PEX14: variants seen among roughly 807,000 people sequenced by gnomAD.
PEX14 encodes peroxisomal membrane protein PEX14.
A neutral mutation model predicts 49.5 loss-of-function variants in PEX14; 15 were observed. That is an observed-to-expected ratio of 0.30 (90% CI 0.20 to 0.47). The LOEUF (loss-of-function observed/expected upper bound fraction) is 0.47. Among genes scored for constraint, PEX14 ranks in the 20% least tolerant of loss-of-function variants. The pLI is 1.00. For synonymous variants in PEX14, 210 were observed against 212.7 expected (o/e 0.99, Z 0.11); for missense variants, 398 against 494.8 (o/e 0.80, Z 1.86).
intron 3 of PEX14, among the ~76,000 whole-genome samples, chr1:10,581,352 G>C (rs1183921914): frequency 6.9e-6 from 1 of 145,402 alleles, no homozygotes; most frequent in Non-Finnish European, 1.5e-5. Context: ...TGTCGCCCAG[G>C]CTGGAGTGCA....
chr1:10,478,253 T>C (rs535163864), intron 1 of PEX14, among the ~76,000 whole-genome samples: 1 of 152,302 alleles, frequency 6.6e-6, no homozygotes, highest in African/African-American at 2.4e-5. Context: ...TCTATTATTA[T>C]TATTATTCAA....
chr1:10,601,511 G>C (rs557595665), intron 4 of PEX14, among the ~76,000 whole-genome samples: 1 of 152,116 alleles, frequency 6.6e-6, no homozygotes, highest in Non-Finnish European at 1.5e-5. Flanking sequence ...TCTGTGTTAC[G>C]GATCTTATTT....
intron 3 of PEX14, among the ~76,000 whole-genome samples, chr1:10,585,005 G>A (rs1200868321): frequency 1.3e-5 from 2 of 152,068 alleles, no homozygotes; most frequent in African/African-American, 4.8e-5. Flanking sequence ...GATCTTTGGG[G>A]GAACAGTAAA....
intron 1 of PEX14, among the ~76,000 whole-genome samples, chr1:10,476,140 C>G (rs1025926656): frequency 6.6e-6 from 1 of 152,154 alleles, no homozygotes; most frequent in African/African-American, 2.4e-5. Flanking sequence ...ATTTCACTTC[C>G]TTCAGAGGCA....
chr1:10,562,011 G>A (rs927728154), intron 3 of PEX14, among the ~76,000 whole-genome samples: 1 of 152,020 alleles, frequency 6.6e-6, no homozygotes, highest in African/African-American at 2.4e-5. Context: ...TAGGATTATA[G>A]GTGTATGCCA....
chr1:10,577,562 A>T (rs895681760), intron 3 of PEX14, among the ~76,000 whole-genome samples: 70 of 6,226 alleles, frequency 0.011, 1 homozygote, highest in East Asian at 0.034. Context: ...ATATATATAT[A>T]TTTTTTTTTT....
At chr1:10,513,548 G>T (rs1641919975) in intron 2 of PEX14, among the ~76,000 whole-genome samples, 1 of 152,168 alleles carries the variant, frequency 6.6e-6, no homozygotes, top group South Asian at 2.1e-4. Flanking sequence ...GGAGCCAAGT[G>T]TCCCTCGCAG....
chr1:10,556,068 A>G (rs1557842710), intron 3 of PEX14, among the ~76,000 whole-genome samples: 1 of 152,154 alleles, frequency 6.6e-6, no homozygotes, highest in Non-Finnish European at 1.5e-5. Flanking sequence ...GGGGCAGCCC[A>G]GAGGCCTGCC....
At chr1:10,481,823 CTTTTT>C (rs34612970) in intron 1 of PEX14, among the ~76,000 whole-genome samples, 1 of 116,706 alleles carries the variant, frequency 8.6e-6, no homozygotes, top group Non-Finnish European at 1.8e-5. Context: ...CCATTCTACT[CTTTTT>C]TTTTTTTTTT....
intron 2 of PEX14, among the ~76,000 whole-genome samples, chr1:10,531,869 C>A (rs187666521): frequency 6.6e-6 from 1 of 152,192 alleles, no homozygotes; most frequent in East Asian, 1.9e-4. Flanking sequence ...GTCCTCCTGT[C>A]CCCCTCGTGC....
chr1:10,537,860 A>C (rs1382167682), intron 3 of PEX14, among the ~76,000 whole-genome samples: 2 of 152,156 alleles, frequency 1.3e-5, no homozygotes, highest in Non-Finnish European at 2.9e-5. Context: ...TGAAAAAAAA[A>C]AGAGAGAGAG....
chr1:10,583,258 C>T (rs1343960180), intron 3 of PEX14, among the ~76,000 whole-genome samples: 9 of 147,178 alleles, frequency 6.1e-5, no homozygotes, highest in East Asian at 4.1e-4. Context: ...CTTGTTTTGT[C>T]ACCCAGGCTG....
chr1:10,593,871 T>C (rs1640746366), intron 3 of PEX14, among the ~76,000 whole-genome samples: 1 of 152,364 alleles, frequency 6.6e-6, no homozygotes, highest in East Asian at 1.9e-4. Flanking sequence ...GCTGCCGTCG[T>C]AATTTCATGC....
intron 3 of PEX14, among the ~76,000 whole-genome samples, chr1:10,598,290 C>T (rs1398572313): frequency 1.3e-5 from 2 of 152,186 alleles, no homozygotes; most frequent in African/African-American, 4.8e-5. Flanking sequence ...CCCCGTGTGA[C>T]CGCTCCTTTC....
chr1:10,584,881 G>A lies in PEX14; in HGVS notation c.170-14357G>A, dbSNP rs6659004. Among the ~76,000 whole-genome samples the A allele has an allele frequency of 4.3e-3, 658 of 152,240 alleles. 2 individuals carry two copies. The highest frequency in any genetic ancestry group is 0.015 in the African/African-American group (612 of 41,538). On this transcript the variant is annotated intron_variant, in intron 3 of 8. Coordinates refer to ENST00000356607, the MANE Select transcript of PEX14 (RefSeq NM_004565.3). ...GACAAACAAAAGGACACATATCAACGAATATTGACTGTGTAAAATAAGAAT... is the reference window on the plus strand; with the variant it reads ...GACAAACAAAAGGACACATATCAACAAATATTGACTGTGTAAAATAAGAAT...
At chr1:10,612,898 G>C (rs1262444929) in intron 4 of PEX14, among the ~76,000 whole-genome samples, 1 of 152,248 alleles carries the variant, frequency 6.6e-6, no homozygotes. Context: ...CTCCAACCCT[G>C]ATGAGCCTGG....
intron 5 of PEX14, among the ~76,000 whole-genome samples, chr1:10,619,931 C>T (rs1287969287): frequency 2.0e-5 from 3 of 151,918 alleles, no homozygotes; most frequent in East Asian, 2.0e-4. Context: ...CTGGCTAACA[C>T]GGTGAAACCC....
At chr1:10,614,084 C>A (rs1228136514) in intron 4 of PEX14, among the ~76,000 whole-genome samples, 1 of 152,216 alleles carries the variant, frequency 6.6e-6, no homozygotes, top group Non-Finnish European at 1.5e-5. Context: ...TGGGGAGGGG[C>A]AGGACTTGAG....
chr1:10,490,523 C>T (rs142743642), intron 1 of PEX14, among the ~76,000 whole-genome samples: 1,694 of 152,194 alleles, frequency 0.011, 39 homozygotes, highest in African/African-American at 0.038. Context: ...AAAAGAAAAG[C>T]ATTTCTCTCT....
Sources: gnomAD v4.1 joint callset for allele counts (sites outside exome capture counted in the v4.1 genomes callset) on GRCh38, gnomAD v4.1.1 for gene constraint, MANE v1.5 for transcripts, NCBI Gene and HGNC (gene_info 2026-07-23, HGNC 2026-07-21) for gene names.